The following ZNF600 variants were observed in gnomAD, a reference collection of about 807,000 sequenced individuals.
ZNF600 encodes zinc finger protein KR-ZNF1.
Under a neutral mutation model 7.3 loss-of-function variants are expected in ZNF600, and 4 were observed. That is an observed-to-expected ratio of 0.55 (90% CI 0.27 to 1.25). The LOEUF is 1.25. Among genes scored for constraint, ZNF600 ranks in the 50% most tolerant of loss-of-function variants. ZNF600 has a pLI of 0.12. For synonymous variants in ZNF600, 290 were observed against 308.9 expected (o/e 0.94, Z 0.64); for missense variants, 911 against 922.1 (o/e 0.99, Z 0.16).
chr19:52,790,424 G>A (rs551079717), upstream of ZNF600, among the ~76,000 whole-genome samples: 53 of 152,248 alleles, frequency 3.5e-4, no homozygotes, highest in Non-Finnish European at 6.6e-4. Flanking sequence ...TTGAACCCAG[G>A]AGGCAGAGGT....
At chr19:52,767,829 G>A (rs1478655574) in intron 3 of ZNF600, 57 bp from the exon 6 acceptor site, 70 of 1,504,634 alleles carry the variant, frequency 4.7e-5, no homozygotes, top group Non-Finnish European at 6.0e-5. Context: ...AAATCATACT[G>A]AAGTGTGTAA....
chr19:52,810,889 CCCCCTCCCCCTCCCT>C, the ZNF600 span, among the ~76,000 whole-genome samples: 4 of 13,842 alleles, frequency 2.9e-4, no homozygotes, highest in African/African-American at 1.2e-3. Context: ...CCCTCCCCCT[CCCCCTCCCCCTCCCT>C]CTCCCTCTCC....
the ZNF600 span, among the ~76,000 whole-genome samples, chr19:52,794,097 G>C: frequency 1.3e-5 from 2 of 151,766 alleles, no homozygotes; most frequent in Non-Finnish European, 2.9e-5. Flanking sequence ...CTGGACACAG[G>C]ATTGTAGAGC....
the ZNF600 span, among the ~76,000 whole-genome samples, chr19:52,824,717 G>A: frequency 1.3e-5 from 2 of 152,090 alleles, no homozygotes; most frequent in African/African-American, 4.8e-5. Context: ...AGTCTGATTG[G>A]AGAGTGTTCT....
At chr19:52,800,664 C>A in the ZNF600 span, 87 of 1,613,032 alleles carry the variant, frequency 5.4e-5, no homozygotes, top group Admixed American at 1.0e-4. Flanking sequence ...ATGTGATTTG[C>A]GACTGAAAAC....
the ZNF600 span, among the ~76,000 whole-genome samples, chr19:52,820,975 G>A: frequency 1.3e-5 from 2 of 151,990 alleles, no homozygotes; most frequent in Non-Finnish European, 2.9e-5. Context: ...CCTGCATCTC[G>A]GAGAAGCGCA....
At chr19:52,804,184 G>A in the ZNF600 span, among the ~76,000 whole-genome samples, 1 of 152,186 alleles carries the variant, frequency 6.6e-6, no homozygotes, top group African/African-American at 2.4e-5. Context: ...AAAGCATGAA[G>A]AAGGCTGTCA....
the ZNF600 span, chr19:52,800,559 T>C: frequency 5.0e-6 from 8 of 1,613,438 alleles, no homozygotes; most frequent in Non-Finnish European, 6.8e-6. Context: ...AATTATACTA[T>C]GTTTTGCCAG....
the ZNF600 span, among the ~76,000 whole-genome samples, chr19:52,812,043 C>T: frequency 5.1e-5 from 3 of 58,476 alleles, no homozygotes; most frequent in Admixed American, 4.0e-4. Flanking sequence ...CCCGGCCAGC[C>T]GCCCTATCCA....
At chr19:52,812,265 T>C in the ZNF600 span, among the ~76,000 whole-genome samples, 3 of 139,202 alleles carry the variant, frequency 2.2e-5, no homozygotes, top group Non-Finnish European at 4.5e-5. Context: ...CTGGGAGGTG[T>C]GCCCAGCGGC....
At chr19:52,817,170 T>G in the ZNF600 span, among the ~76,000 whole-genome samples, 1 of 152,090 alleles carries the variant, frequency 6.6e-6, no homozygotes, top group African/African-American at 2.4e-5. Context: ...GTCGGGAGTT[T>G]GAGACCAGCC....
the ZNF600 span, chr19:52,806,080 A>AT: frequency 6.6e-6 from 1 of 152,242 alleles, no homozygotes; most frequent in South Asian, 2.1e-4. Context: ...AATAAAAGGC[A>AT]TGAAAAACAC....
chr19:52,820,113 T>TGCTCCTTCTCCCCAATC, the ZNF600 span, among the ~76,000 whole-genome samples: 6 of 133,150 alleles, frequency 4.5e-5, no homozygotes, highest in African/African-American at 3.2e-5. Context: ...AACCTCTTTT[T>TGCTCCTTCTCCCCAATC]TTTTTTTTTT....
intron 3 of ZNF600, among the ~76,000 whole-genome samples, chr19:52,773,702 C>A (rs938479274): frequency 5.9e-5 from 9 of 152,012 alleles, no homozygotes; most frequent in African/African-American, 1.4e-4. Context: ...AACACTGTCT[C>A]TACTGAAAAA....
chr19:52,810,032 G>A, the ZNF600 span: 4 of 739,472 alleles, frequency 5.4e-6, no homozygotes, highest in Non-Finnish European at 9.8e-6. Context: ...CCGAAGAGGA[G>A]CCGCTCCAGC....
the ZNF600 span, among the ~76,000 whole-genome samples, chr19:52,831,579 T>C: frequency 2.6e-5 from 4 of 152,032 alleles, no homozygotes; most frequent in Non-Finnish European, 5.9e-5. Flanking sequence ...CTCGGCTCAC[T>C]GCAAGCTCCA....
the ZNF600 span, among the ~76,000 whole-genome samples, chr19:52,826,920 G>T: frequency 6.6e-6 from 1 of 152,016 alleles, no homozygotes; most frequent in African/African-American, 2.4e-5. Flanking sequence ...GTCCAGCCAG[G>T]CTGGCTGTCT....
the ZNF600 span, among the ~76,000 whole-genome samples, chr19:52,808,692 C>G: frequency 6.8e-6 from 1 of 148,120 alleles, no homozygotes; most frequent in Non-Finnish European, 1.5e-5. Context: ...CAGGCACCTG[C>G]GGTCCCAGCT....
chr19:52,818,896 A>G, the ZNF600 span, among the ~76,000 whole-genome samples: 1 of 143,586 alleles, frequency 7.0e-6, no homozygotes, highest in African/African-American at 2.7e-5. Context: ...AAAAAAAAAA[A>G]AAAAAAAAGT....
Sources: gnomAD v4.1 joint callset for allele counts (sites outside exome capture counted in the v4.1 genomes callset) on GRCh38, gnomAD v4.1.1 for gene constraint, MANE v1.5 for transcripts, NCBI Gene and HGNC (gene_info 2026-07-23, HGNC 2026-07-21) for gene names.